The following FAM117B variants were observed in gnomAD, a reference collection of about 807,000 sequenced individuals.
FAM117B encodes family with sequence similarity 117 member B.
In FAM117B, 22 loss-of-function variants were observed where a neutral mutation model predicts 52.8. That is an observed-to-expected ratio of 0.42 (90% CI 0.30 to 0.59). The LOEUF is 0.59. FAM117B is among the 20% of genes least tolerant of loss of function. FAM117B has a pLI of 0.22. For missense variants in FAM117B, 678 were observed against 802.6 expected, an observed-to-expected ratio of 0.84 and a Z score of 1.88; for synonymous variants, 309 against 324.1, an observed-to-expected ratio of 0.95 and a Z score of 0.50.
At chr2:202,708,860 T>C (rs1437771252) in intron 2 of FAM117B, among the ~76,000 whole-genome samples, 1 of 152,086 alleles carries the variant, frequency 6.6e-6, no homozygotes, top group Non-Finnish European at 1.5e-5. Flanking sequence ...CACCTCAGCC[T>C]CTCCTGCGTC....
intron 1 of FAM117B, among the ~76,000 whole-genome samples, chr2:202,642,011 C>G (rs1424677723): frequency 1.4e-5 from 2 of 141,646 alleles, no homozygotes; most frequent in Non-Finnish European, 3.1e-5. Flanking sequence ...GGTGTGATCT[C>G]GGCTTACTGC....
chr2:202,752,698 A>G (rs1220749438), intron 4 of FAM117B, among the ~76,000 whole-genome samples: 1 of 152,216 alleles, frequency 6.6e-6, no homozygotes, highest in African/African-American at 2.4e-5. Context: ...AGAATCTGCA[A>G]GATGTTTATC....
chr2:202,666,668 CTT>C (rs1157457357), intron 1 of FAM117B, among the ~76,000 whole-genome samples: 16 of 125,744 alleles, frequency 1.3e-4, no homozygotes, highest in South Asian at 2.5e-4. Context: ...CGTTTCATTT[CTT>C]TTTTTTTTTT....
rs1428605041 is a variant in FAM117B at position 202,635,331 on chromosome 2, G to GCAGCAA, written c.147_152dup (p.Gln49_Gln50dup). 1 of 1,417,652 alleles carries GCAGCAA rather than the reference G, an allele frequency of 7.1e-7. No individual in the cohort carries two copies. The highest frequency in any genetic ancestry group is 9.2e-7 in the Non-Finnish European group (1 of 1,084,982). 87.8% of individuals were successfully genotyped at this position (1,417,652 alleles called of 1,614,324 possible). ...CGTTCCAGCTGAAGCAGCAGCAGCA[G>GCAGCAA]CAGCAACATGGCAGCCCCACGCGGA... is the stretch of plus-strand genomic sequence containing the variant. On this transcript the variant is annotated inframe_insertion, in exon 1 of 8. Transcript: ENST00000392238.
intron 2 of FAM117B, among the ~76,000 whole-genome samples, chr2:202,699,619 A>C (rs1055713536): frequency 6.6e-6 from 1 of 152,128 alleles, no homozygotes; most frequent in Non-Finnish European, 1.5e-5. Flanking sequence ...ATTAATCAAA[A>C]ACTCTCAAAT....
intron 1 of FAM117B, among the ~76,000 whole-genome samples, chr2:202,668,521 C>G (rs1248833476): frequency 8.3e-6 from 1 of 119,878 alleles, no homozygotes; most frequent in East Asian, 2.3e-4. Context: ...GAGCGAGACT[C>G]TCTCTCAAAA....
In FAM117B at chr2:202,755,540, T is replaced by A; in HGVS notation, c.963T>A (p.Ala321=). ...CTTCTCCATCCCATTTTCTTAAGGC[T>A]CCTGTTCCAAAGAGTGCACTTATTC... ...GNHAAINQCQ[A]PVPKSALIPV... is the part of the protein sequence containing the mutation. Residue 321 remains alanine (A), a splice_region_variant and synonymous_variant, in exon 5 of 8, where the codon GCT becomes GCA. Coordinates refer to ENST00000392238, the MANE Select transcript of FAM117B (RefSeq NM_173511.4). 1.9e-6 allele frequency: 3 copies of A among 1,613,524 alleles called. No individual in the cohort carries two copies. The highest frequency in any genetic ancestry group is 2.2e-5 in the South Asian group (2 of 90,922).
Position 202,695,995 on chromosome 2 carries a change from G to A in FAM117B, c.716G>A (p.Gly239Glu). Residue 239 changes from glycine (G) to glutamate (E), a missense_variant, in exon 2 of 8, where the codon GGG becomes GAG. Coordinates refer to ENST00000392238, the MANE Select transcript of FAM117B (RefSeq NM_173511.4). The stretch of plus-strand genomic sequence containing the variant: ...GGACACTGGCCTCGGGATAGCCATG[G>A]GCAAGCTGCACCTTGCATGAGGGAC... ...LAGHWPRDSHGQAAPCMRDKA... is the reference protein window; with the variant it reads ...LAGHWPRDSHEQAAPCMRDKA... 6.2e-7 allele frequency: 1 copy of A among 1,614,056 alleles called. No individual in the cohort carries two copies. The highest frequency in any genetic ancestry group is 8.5e-7 in the Non-Finnish European group (1 of 1,179,988).
intron 1 of FAM117B, among the ~76,000 whole-genome samples, chr2:202,683,014 G>T (rs1326608167): frequency 6.6e-6 from 1 of 152,144 alleles, no homozygotes; most frequent in Non-Finnish European, 1.5e-5. Flanking sequence ...AAATCATAAA[G>T]GTAACAGAAT....
At chr2:202,646,746 C>A (rs368432528) in intron 1 of FAM117B, among the ~76,000 whole-genome samples, 1 of 152,086 alleles carries the variant, frequency 6.6e-6, no homozygotes, top group African/African-American at 2.4e-5. Flanking sequence ...TTCCTCTCTC[C>A]CCTAAGGATA....
chr2:202,658,902 T>C (rs1477241976), intron 1 of FAM117B, among the ~76,000 whole-genome samples: 1 of 152,172 alleles, frequency 6.6e-6, no homozygotes, highest in Non-Finnish European at 1.5e-5. Context: ...GGTTTTGTTT[T>C]GTCAAATATT....
At chr2:202,675,424 C>T (rs755076015) in intron 1 of FAM117B, among the ~76,000 whole-genome samples, 4 of 119,280 alleles carry the variant, frequency 3.4e-5, no homozygotes, top group East Asian at 2.3e-4. Context: ...ACCGCCTGGG[C>T]GACAGAGTGA....
At chr2:202,731,841 T>C (rs547187086) in intron 4 of FAM117B, among the ~76,000 whole-genome samples, 6 of 152,224 alleles carry the variant, frequency 3.9e-5, no homozygotes, top group Non-Finnish European at 8.8e-5. Context: ...GTTCAAGTGA[T>C]TCTCCTGCCT....
intron 1 of FAM117B, among the ~76,000 whole-genome samples, chr2:202,638,865 C>G (rs1689724790): frequency 6.6e-6 from 1 of 152,156 alleles, no homozygotes; most frequent in Non-Finnish European, 1.5e-5. Flanking sequence ...AAGTCATACT[C>G]TAGTTTGAAT....
At chr2:202,765,382 T>C in intron 7 of FAM117B, 64 bp from the exon 8 acceptor site, 1 of 1,402,480 alleles carries the variant, frequency 7.1e-7, no homozygotes, top group Non-Finnish European at 9.7e-7. Context: ...TTCCAAGCTT[T>C]TTTTTTTTTT....
intron 1 of FAM117B, among the ~76,000 whole-genome samples, chr2:202,673,608 C>G (rs148094814): frequency 7.9e-5 from 12 of 151,508 alleles, no homozygotes; most frequent in Admixed American, 3.3e-4. Context: ...CCACCACACC[C>G]GGCTAATTCT....
At chr2:202,720,910 T>A (rs1691142718) in intron 2 of FAM117B, among the ~76,000 whole-genome samples, 1 of 152,250 alleles carries the variant, frequency 6.6e-6, no homozygotes, top group South Asian at 2.1e-4. Flanking sequence ...CCTTGCCTAC[T>A]TCAGTTGTTT....
At chr2:202,748,855 C>T (rs556735895) in intron 4 of FAM117B, among the ~76,000 whole-genome samples, 29 of 152,118 alleles carry the variant, frequency 1.9e-4, no homozygotes, top group African/African-American at 7.0e-4. Flanking sequence ...ACATGTTTAT[C>T]GTAGCCACTC....
intron 1 of FAM117B, among the ~76,000 whole-genome samples, chr2:202,639,369 C>A (rs752308417): frequency 2.6e-5 from 4 of 152,142 alleles, no homozygotes; most frequent in Non-Finnish European, 4.4e-5. Context: ...ATAAAGTAAT[C>A]CAAGCACCCA....
Sources: allele counts gnomAD v4.1 joint callset (sites outside exome capture counted in the v4.1 genomes callset), GRCh38; gene constraint gnomAD v4.1.1; transcripts MANE v1.5; gene names NCBI Gene and HGNC (gene_info 2026-07-23, HGNC 2026-07-21).